CD276: variants seen among roughly 807,000 people sequenced by gnomAD.
CD276 encodes the protein CD276 molecule.
Under a neutral mutation model 50.0 loss-of-function variants are expected in CD276, and 34 were observed. That is an observed-to-expected ratio of 0.68 (90% confidence interval 0.52 to 0.91). The LOEUF is 0.91. Ranked by LOEUF, CD276 falls within the 40% of genes least tolerant of loss-of-function variation. CD276 has a pLI of 0.00. For synonymous variants in CD276, 275 were observed against 313.0 expected, an observed-to-expected ratio of 0.88 and a Z score of 1.28; for missense variants, 634 against 717.5, an observed-to-expected ratio of 0.88 and a Z score of 1.33.
At chr15:73,685,411 C>A (rs1429663681) in intron 1 of CD276, among the ~76,000 whole-genome samples, 1 of 147,716 alleles carries the variant, frequency 6.8e-6, no homozygotes, top group Non-Finnish European at 1.5e-5. Context: ...TGGGATCTAT[C>A]ACTGAGGGAA....
chr15:73,701,517 C>A (rs1447180499), intron 2 of CD276, among the ~76,000 whole-genome samples: 4 of 152,232 alleles, frequency 2.6e-5, no homozygotes, highest in Non-Finnish European at 5.9e-5. Context: ...GTCTGCCACA[C>A]TGGACGCTCC....
chr15:73,686,560 TC>T (rs1453165455), intron 1 of CD276, among the ~76,000 whole-genome samples: 1 of 152,202 alleles, frequency 6.6e-6, no homozygotes, highest in Non-Finnish European at 1.5e-5. Flanking sequence ...TTCTGAAACT[TC>T]CTGTGAGAAT....
rs1304595813 is a variant in CD276 at position 73,713,312 on chromosome 15, CCTT to C, written c.*357_*359del. The C allele has an allele frequency of 3.3e-6, 1 of 306,178 alleles. No homozygotes were observed. Among genetic ancestry groups the C allele is most frequent in the East Asian group, 9.0e-5 (1 of 11,170 alleles). 19.0% of individuals were successfully genotyped at this position (306,178 alleles called of 1,614,324 possible). On this transcript the variant is annotated 3_prime_UTR_variant, in exon 10 of 10. Transcript: ENST00000318443. ...CAGTGCTGCGTGGACCATCTGGCTGCCTTTTTTCTCCAAAAGATGCAATATTCA... is the reference window on the plus strand; with the variant it reads ...CAGTGCTGCGTGGACCATCTGGCTGCTTTTCTCCAAAAGATGCAATATTCA...
At chr15:73,706,943 G>A (rs1900673477) in intron 6 of CD276, among the ~76,000 whole-genome samples, 1 of 147,854 alleles carries the variant, frequency 6.8e-6, no homozygotes, top group African/African-American at 2.6e-5. Context: ...CCCCATGATG[G>A]GATTTCCAGG....
intron 2 of CD276, among the ~76,000 whole-genome samples, chr15:73,700,621 TCC>T (rs930021902): frequency 1.1e-4 from 16 of 152,142 alleles, no homozygotes; most frequent in African/African-American, 3.9e-4. Flanking sequence ...CAGCAAGAGA[TCC>T]AAGGCTAGCT....
intron 4 of CD276, 49 bp downstream of exon 4, chr15:73,703,135 C>A: frequency 1.3e-6 from 2 of 1,524,046 alleles, no homozygotes; most frequent in East Asian, 2.5e-5. Context: ...CTGCTTCTGT[C>A]GGCAGGGGTT....
At chr15:73,712,499 G>C (rs1054029689) in intron 9 of CD276, among the ~76,000 whole-genome samples, 1 of 152,246 alleles carries the variant, frequency 6.6e-6, no homozygotes, top group Non-Finnish European at 1.5e-5. Flanking sequence ...AAGGGAAGGA[G>C]GAGGGCCCCT....
chr15:73,710,523 TTGGGA>T (rs1261061832), intron 8 of CD276, among the ~76,000 whole-genome samples: 1 of 152,182 alleles, frequency 6.6e-6, no homozygotes, highest in East Asian at 1.9e-4. Flanking sequence ...GCTGAGCCAT[TTGGGA>T]TGGTTCCAGT....
chr15:73,691,294 G>A (rs1185769494), intron 1 of CD276, among the ~76,000 whole-genome samples: 2 of 151,970 alleles, frequency 1.3e-5, no homozygotes, highest in African/African-American at 4.8e-5. Flanking sequence ...TCAGGAATAG[G>A]GGCTTAAATG....
At chr15:73,706,750 G>A (rs556774532) in intron 6 of CD276, among the ~76,000 whole-genome samples, 1 of 152,250 alleles carries the variant, frequency 6.6e-6, no homozygotes, top group African/African-American at 2.4e-5. Flanking sequence ...GTTGTGTGCT[G>A]TGCAGAGCCT....
At chr15:73,712,661 G>T (rs574805986) in intron 9 of CD276, among the ~76,000 whole-genome samples, 1 of 152,198 alleles carries the variant, frequency 6.6e-6, no homozygotes, top group African/African-American at 2.4e-5. Flanking sequence ...AGAGTGGAGG[G>T]AAGTGTATCG....
chr15:73,709,436 T>C, intron 7 of CD276: 1 of 549,054 alleles, frequency 1.8e-6, no homozygotes, highest in Non-Finnish European at 3.2e-6. Context: ...GGGTGAGTGG[T>C]GGGCTCCAGG....
chr15:73,700,150 C>T (rs1900320696), intron 2 of CD276, among the ~76,000 whole-genome samples: 1 of 152,098 alleles, frequency 6.6e-6, no homozygotes, highest in Non-Finnish European at 1.5e-5. Context: ...GGCCTCCCTG[C>T]GTTATTCTGC....
intron 9 of CD276, 91 bp downstream of exon 9, chr15:73,711,261 A>G (rs1900890728): frequency 6.6e-6 from 9 of 1,362,550 alleles, no homozygotes; most frequent in African/African-American, 1.4e-5. Context: ...TCCTTTCACT[A>G]GTGACCTGAG....
intron 1 of CD276, among the ~76,000 whole-genome samples, chr15:73,697,368 T>G (rs1466145871): frequency 1.4e-4 from 12 of 88,862 alleles, no homozygotes; most frequent in East Asian, 3.5e-4. Flanking sequence ...TGTGTAGGAG[T>G]GGAGGGTGGC....
At position 73,702,602 on chromosome 15, in the gene CD276, C is replaced by T. The variant is rs1044873716; in HGVS notation, c.418+9C>T. 1 of 1,601,934 alleles carries T rather than the reference C, an allele frequency of 6.2e-7. No individual in the cohort carries two copies. Among genetic ancestry groups the T allele is most frequent in the African/African-American group, 1.3e-5 (1 of 74,928 alleles). On this transcript the variant is annotated intron_variant, in intron 3 of 9. Coordinates refer to ENST00000318443, the MANE Select transcript of CD276 (RefSeq NM_001024736.2). ...CAGCCTGCAGGTGGCCGGTGAGCAC[C>T]AGGAGGGGGACGCCTTCCCCTTAGT...
chr15:73,694,966 A>G (rs1414139595), intron 1 of CD276, among the ~76,000 whole-genome samples: 8 of 152,128 alleles, frequency 5.3e-5, no homozygotes. Context: ...GCACCACTGA[A>G]CTATGATGGT....
Position 73,699,623 on chromosome 15 carries a change from A to C in CD276, c.-17A>C. 1.2e-6 allele frequency: 2 copies of C among 1,612,966 alleles called. No individual in the cohort carries two copies. Among genetic ancestry groups the C allele is most frequent in the Non-Finnish European group, 1.7e-6 (2 of 1,179,708 alleles). ...TTCCACCACGGGGAGCCCAGCTGTC[A>C]GCCGCCTCACAGGAAGATGCTGCGT... is the stretch of plus-strand genomic sequence containing the variant. On this transcript the variant is annotated 5_prime_UTR_variant, in exon 2 of 10. Transcript: ENST00000318443.
Position 73,704,234 on chromosome 15 carries a change from C to T in CD276, c.1131C>T (p.Asp377=). 1 of 1,614,164 alleles carries T rather than the reference C, an allele frequency of 6.2e-7. No individual in the cohort carries two copies. Among genetic ancestry groups the T allele is most frequent in the East Asian group, 2.2e-5 (1 of 44,882 alleles). The change falls in exon 6 of 10, where the codon GAC becomes GAT. Residue 377 remains aspartate, a synonymous_variant. Transcript: ENST00000318443. The surrounding 1 kb of genome is among the most constrained non-coding windows in gnomAD (Gnocchi z 4.1). ...LEPNKDLRPG[D]TVTITCSSYR... is the part of the protein sequence containing the mutation. The stretch of plus-strand genomic sequence containing the variant: ...CCAACAAGGACCTGCGGCCAGGGGA[C>T]ACGGTGACCATCACGTGCTCCAGCT...
Sources: allele counts gnomAD v4.1 joint callset (sites outside exome capture counted in the v4.1 genomes callset), GRCh38; gene constraint gnomAD v4.1.1; non-coding constraint Gnocchi (gnomAD v3.1); transcripts MANE v1.5; gene names NCBI Gene and HGNC (gene_info 2026-07-23, HGNC 2026-07-21).